Variants in SLC44A5 observed in about 807,000 individuals in gnomAD.
The protein encoded by SLC44A5 is choline transporter-like protein 5.
A neutral mutation model predicts 101.8 loss-of-function variants in SLC44A5; 57 were observed. That is an observed-to-expected ratio of 0.56 (90% CI 0.45 to 0.70). The LOEUF is 0.70. SLC44A5 is among the 30% of genes least tolerant of loss of function. The pLI is 0.00. For missense variants in SLC44A5, 737 were observed against 853.1 expected (o/e 0.86, Z 1.70); for synonymous variants, 281 against 290.9 (o/e 0.97, Z 0.35).
intron 4 of SLC44A5, among the ~76,000 whole-genome samples, chr1:75,303,013 G>A (rs1387432730): frequency 2.6e-5 from 4 of 151,970 alleles, no homozygotes; most frequent in East Asian, 1.9e-4. Context: ...AGATGACCTC[G>A]GATAACTGAA....
At chr1:75,697,502 G>A in the SLC44A5 span, among the ~76,000 whole-genome samples, 3 of 152,104 alleles carry the variant, frequency 2.0e-5, no homozygotes, top group African/African-American at 7.2e-5. Flanking sequence ...AAATAGAAAA[G>A]TAGGCCAGGT....
chr1:75,444,986 G>A (rs532194722), intron 2 of SLC44A5, among the ~76,000 whole-genome samples: 3 of 152,166 alleles, frequency 2.0e-5, no homozygotes, highest in African/African-American at 7.2e-5. Flanking sequence ...GAGTAGGAGA[G>A]TATATTGAAC....
At chr1:75,257,249 AGAGGTC>A (rs1444587732) in intron 6 of SLC44A5, among the ~76,000 whole-genome samples, 2 of 152,292 alleles carry the variant, frequency 1.3e-5, no homozygotes, top group Admixed American at 1.3e-4. Flanking sequence ...CCATTTTGTC[AGAGGTC>A]AGTGAATTGA....
intron 2 of SLC44A5, among the ~76,000 whole-genome samples, chr1:75,491,748 C>CAT (rs1173623622): frequency 6.6e-6 from 1 of 151,878 alleles, no homozygotes; most frequent in Non-Finnish European, 1.5e-5. Flanking sequence ...CACACACACA[C>CAT]ACAGTATTAT....
chr1:75,543,449 A>G (rs550875936), intron 1 of SLC44A5, among the ~76,000 whole-genome samples: 1 of 151,736 alleles, frequency 6.6e-6, no homozygotes, highest in East Asian at 1.9e-4. Flanking sequence ...CTTTTTCTCC[A>G]TGTTTACTTT....
rs558680620 is a variant in SLC44A5, at chr1:75,434,957, T to C, written c.14-38336A>G. ...ACTGTGCTATGCCCCATATTACAGT[T>C]AGGTATGGATACGTGTTTCCTTAAC... On this transcript the variant is annotated intron_variant, in intron 2 of 23. Coordinates refer to ENST00000370859, the MANE Select transcript of SLC44A5 (RefSeq NM_001130058.2). 7.6e-4 allele frequency among the ~76,000 whole-genome samples: 115 copies of C among 152,266 alleles called. 1 individual carries two copies. Among genetic ancestry groups the C allele is most frequent in the African/African-American group, 2.7e-3 (112 of 41,554 alleles).
Position 75,242,904 on chromosome 1 carries a change from G to A in SLC44A5, c.453C>T (p.Thr151=). 1 of 1,610,166 alleles carries A rather than the reference G, an allele frequency of 6.2e-7. No homozygotes were observed. The highest frequency in any genetic ancestry group is 1.7e-4 in the Middle Eastern group (1 of 6,032). ...CACATACCTTCACAGGCTTAGCAGTGGTCTTACAGAACTGACGGTAGTCTT... is the reference window on the plus strand; with the variant it reads ...CACATACCTTCACAGGCTTAGCAGTAGTCTTACAGAACTGACGGTAGTCTT... ...YWEDYRQFCK[T]TAKPVKSLTQ... The change falls in exon 8 of 24, where the codon ACC becomes ACT. Residue 151 remains threonine, a synonymous_variant. Transcript: ENST00000370859.
chr1:75,305,968 G>A (rs939121254), intron 4 of SLC44A5, among the ~76,000 whole-genome samples: 8 of 152,180 alleles, frequency 5.3e-5, no homozygotes, highest in African/African-American at 1.9e-4. Context: ...CAGTGTATGG[G>A]CCAAATCTGG....
intron 2 of SLC44A5, among the ~76,000 whole-genome samples, chr1:75,522,815 C>A (rs1010522162): frequency 1.3e-5 from 2 of 152,162 alleles, no homozygotes; most frequent in African/African-American, 2.4e-5. Context: ...TTTTGGGATG[C>A]CTTGGAGTCT....
intron 1 of SLC44A5, among the ~76,000 whole-genome samples, chr1:75,589,680 C>T (rs1363172583): frequency 3.3e-5 from 5 of 152,104 alleles, no homozygotes; most frequent in African/African-American, 1.2e-4. Context: ...AAAAACGGTC[C>T]TGAATCACCA....
chr1:75,552,939 G>GT (rs1258833797), intron 1 of SLC44A5, among the ~76,000 whole-genome samples: 2 of 152,002 alleles, frequency 1.3e-5, no homozygotes, highest in African/African-American at 4.8e-5. Context: ...AATGAGGGAG[G>GT]TTTTTTTAAA....
intron 2 of SLC44A5, among the ~76,000 whole-genome samples, chr1:75,451,799 AT>A (rs1358325394): frequency 1.3e-5 from 2 of 152,032 alleles, no homozygotes; most frequent in Non-Finnish European, 2.9e-5. Context: ...GTCAGACAAA[AT>A]TTTTTTAAAA....
intron 2 of SLC44A5, among the ~76,000 whole-genome samples, chr1:75,430,344 C>T (rs1664545895): frequency 6.6e-6 from 1 of 152,066 alleles, no homozygotes; most frequent in Non-Finnish European, 1.5e-5. Context: ...CCTGCTCATT[C>T]CTTGATCTTG....
intron 1 of SLC44A5, among the ~76,000 whole-genome samples, chr1:75,609,152 C>A (rs1232418949): frequency 6.6e-6 from 1 of 151,614 alleles, no homozygotes; most frequent in East Asian, 2.0e-4. Context: ...GAGACGGCAA[C>A]CTTCCTTTCT....
chr1:75,237,094 T>A, intron 10 of SLC44A5, 24 bp from the exon 11 acceptor site: 1 of 1,462,936 alleles, frequency 6.8e-7, no homozygotes, highest in Non-Finnish European at 9.5e-7. Context: ...AGGGAAAAAA[T>A]CAATTATTTT....
chr1:75,677,742 C>T, the SLC44A5 span: 2 of 440,286 alleles, frequency 4.5e-6, no homozygotes, highest in East Asian at 7.6e-5. Context: ...ATAAAAAACA[C>T]ATTTCCAAGG....
chr1:75,635,251 C>T, the SLC44A5 span, among the ~76,000 whole-genome samples: 306 of 151,282 alleles, frequency 2.0e-3, 2 homozygotes, highest in South Asian at 8.2e-3. Context: ...GTCAGTGTGG[C>T]GATTCCTCGG....
intron 2 of SLC44A5, among the ~76,000 whole-genome samples, chr1:75,437,791 A>G (rs987913661): frequency 6.6e-6 from 1 of 152,166 alleles, no homozygotes; most frequent in African/African-American, 2.4e-5. Context: ...CAGAGCCAGC[A>G]AGAAAGCAAT....
chr1:75,608,351 GT>G (rs1334622834), intron 1 of SLC44A5, among the ~76,000 whole-genome samples: 1 of 151,610 alleles, frequency 6.6e-6, no homozygotes, highest in African/African-American at 2.4e-5. Flanking sequence ...GTGTGTGTGT[GT>G]TGTGTGTGTA....
Sources: gnomAD v4.1 joint callset for allele counts (sites outside exome capture counted in the v4.1 genomes callset) on GRCh38, gnomAD v4.1.1 for gene constraint, MANE v1.5 for transcripts, NCBI Gene and HGNC (gene_info 2026-07-23, HGNC 2026-07-21) for gene names.